TM6SF1: variants seen among roughly 807,000 people sequenced by gnomAD.
TM6SF1 encodes transmembrane 6 superfamily member 1.
A neutral mutation model predicts 47.1 loss-of-function variants in TM6SF1; 43 were observed. The ratio of observed to expected loss-of-function variants is 0.91; its 90% confidence interval spans 0.72 to 1.18. The LOEUF (loss-of-function observed/expected upper bound fraction) is 1.18, where lower values mean the gene tolerates loss of function less well. Among genes scored for constraint, TM6SF1 ranks in the 50% most tolerant of loss-of-function variants. The pLI is 0.00. For missense variants in TM6SF1, 390 were observed against 449.0 expected (o/e 0.87, Z 1.19); for synonymous variants, 177 against 166.3 (o/e 1.06, Z -0.49).
chr15:83,118,238 C>CGT (rs2034875616), intron 3 of TM6SF1, among the ~76,000 whole-genome samples: 2 of 86,074 alleles, frequency 2.3e-5, no homozygotes, highest in Admixed American at 1.1e-4. Context: ...CGTACACACA[C>CGT]ACACACACAC....
chr15:83,111,167 C>T lies in TM6SF1; in HGVS notation c.93-1630C>T, dbSNP rs149787762. Among the ~76,000 whole-genome samples the T allele has an allele frequency of 5.4e-3, 822 of 152,264 alleles. 4 individuals carry two copies. Among genetic ancestry groups the T allele is most frequent in the Non-Finnish European group, 5.5e-3 (373 of 68,012 alleles). ...GATTACAGGTGTGAGCCACTGCGCC[C>T]GGCCTCATTCTTATCATAGAATTGA... On this transcript the variant is annotated intron_variant, in intron 1 of 9. Coordinates refer to ENST00000322019, the MANE Select transcript of TM6SF1 (RefSeq NM_023003.5).
chr15:83,125,113 T>C (rs2035615161), intron 7 of TM6SF1, among the ~76,000 whole-genome samples: 1 of 152,204 alleles, frequency 6.6e-6, no homozygotes, highest in South Asian at 2.1e-4. Context: ...GATGGCACCC[T>C]AGGACTGCAA....
At chr15:83,119,832 C>T (rs937980164) in intron 4 of TM6SF1, 151 bp downstream of exon 4, 10 of 1,204,030 alleles carry the variant, frequency 8.3e-6, no homozygotes, top group Non-Finnish European at 1.1e-5. Flanking sequence ...TGGCTTTATC[C>T]TCCTTGTACC....
At chr15:83,113,039 C>A in intron 2 of TM6SF1, 139 bp downstream of exon 2, 1 of 712,924 alleles carries the variant, frequency 1.4e-6, no homozygotes, top group East Asian at 2.7e-5. Context: ...TGTTTCAGGA[C>A]AATCTGGCCC....
intron 3 of TM6SF1, among the ~76,000 whole-genome samples, chr15:83,118,230 T>TACACACAC (rs72160704): frequency 1.3e-4 from 19 of 146,350 alleles, no homozygotes; most frequent in East Asian, 2.0e-4. Context: ...TCTCTGTACG[T>TACACACAC]ACACACACAC....
intron 6 of TM6SF1, 49 bp from the exon 7 acceptor site, chr15:83,124,623 T>C: frequency 7.0e-7 from 1 of 1,426,410 alleles, no homozygotes; most frequent in South Asian, 1.2e-5. Context: ...GATTTCAGAT[T>C]CTTCTTTGGC....
In TM6SF1 at chr15:83,108,023, A is replaced by T. The variant is rs973023514; in HGVS notation, c.92+251A>T. 6.0e-5 allele frequency: 43 copies of T among 719,382 alleles called. No individual in the cohort carries two copies. The African/African-American group carries it at 7.7e-4, about 13-fold the overall frequency. 44.6% of individuals were successfully genotyped at this position (719,382 alleles called of 1,614,324 possible). On this transcript the variant is annotated intron_variant, in intron 1 of 9. Coordinates refer to ENST00000322019, the MANE Select transcript of TM6SF1 (RefSeq NM_023003.5). ...GGGATGTTGGTGCCAGCACCGCGCC[A>T]GGTGCCCGGGGTCACAGGCGTCAAT...
intron 2 of TM6SF1, chr15:83,113,161 T>TTGACCTC (rs532881743): frequency 5.6e-6 from 3 of 538,928 alleles, no homozygotes; most frequent in African/African-American, 1.9e-5. Context: ...CCAGCATGCT[T>TTGACCTC]TGACCTCTGA....
chr15:83,115,289 T>G, intron 2 of TM6SF1: 1 of 217,914 alleles, frequency 4.6e-6, no homozygotes, highest in Non-Finnish European at 9.3e-6. Flanking sequence ...AGAAAATTTT[T>G]GTATTTTTAG....
At chr15:83,122,099 G>A in intron 5 of TM6SF1, 96 bp downstream of exon 5, 1 of 978,830 alleles carries the variant, frequency 1.0e-6, no homozygotes, top group Non-Finnish European at 1.6e-6. Flanking sequence ...AGAACCAAGT[G>A]ATTCCAAGCT....
At chr15:83,119,545 T>C in intron 3 of TM6SF1, 33 bp from the exon 4 acceptor site, 1 of 1,601,264 alleles carries the variant, frequency 6.2e-7, no homozygotes, top group South Asian at 1.1e-5. Flanking sequence ...CAGGTCTTAT[T>C]TAAAGTGGAC....
intron 1 of TM6SF1, among the ~76,000 whole-genome samples, chr15:83,108,324 C>T (rs974890997): frequency 5.3e-5 from 8 of 152,042 alleles, no homozygotes; most frequent in African/African-American, 1.4e-4. Flanking sequence ...CGGTGTTTGG[C>T]ACTGACGGTG....
intron 7 of TM6SF1, among the ~76,000 whole-genome samples, chr15:83,125,709 C>T (rs1279383312): frequency 3.3e-5 from 5 of 152,144 alleles, no homozygotes; most frequent in South Asian, 2.1e-4. Flanking sequence ...AGCCTGTTGG[C>T]GCGCGTAACA....
At chr15:83,133,109 C>G (rs1346448726) in intron 9 of TM6SF1, 1 of 152,250 alleles carries the variant, frequency 6.6e-6, no homozygotes, top group African/African-American at 2.4e-5. Flanking sequence ...TTCCACACCT[C>G]ACCCGAGGCC....
intron 9 of TM6SF1, chr15:83,133,462 T>C (rs761420191): frequency 7.2e-5 from 11 of 152,232 alleles, no homozygotes; most frequent in Non-Finnish European, 1.3e-4. Context: ...TCATTTGCCA[T>C]TCCAATCATC....
At chr15:83,127,606 C>A in intron 9 of TM6SF1, 129 bp downstream of exon 9, 1 of 994,112 alleles carries the variant, frequency 1.0e-6, no homozygotes, top group Admixed American at 2.3e-5. Flanking sequence ...TTTTGTTTTG[C>A]AGTTCTTCAG....
Position 83,107,817 on chromosome 15 carries a change from A to C in TM6SF1, c.92+45A>C. 1 of 1,543,784 alleles carries C rather than the reference A, an allele frequency of 6.5e-7. No homozygotes were observed. The highest frequency in any genetic ancestry group is 8.7e-7 in the Non-Finnish European group (1 of 1,146,310). On this transcript the variant is annotated intron_variant, in intron 1 of 9. Coordinates refer to ENST00000322019, the MANE Select transcript of TM6SF1 (RefSeq NM_023003.5). This position sits in a 1 kb window ranked among gnomAD's most constrained non-coding sequence, Gnocchi z 5.6. The stretch of plus-strand genomic sequence containing the variant: ...GGGGGTCGCGCCGAGGGGCGGCGGG[A>C]GTTGGCTCGCCGCGACGGGAGCCTC...
chr15:83,131,886 T>G (rs1355052786), intron 9 of TM6SF1: 2 of 152,250 alleles, frequency 1.3e-5, no homozygotes, highest in Non-Finnish European at 2.9e-5. Flanking sequence ...CATTATAGGC[T>G]GCTTAGATCC....
rs757937762 is a variant in TM6SF1, at chr15:83,136,665, TGG to T, written c.1107_1108del (p.Glu370IlefsTer11). The T allele has an allele frequency of 5.0e-6, 8 of 1,592,720 alleles. No homozygotes were observed. Among genetic ancestry groups the T allele is most frequent in the Non-Finnish European group, 6.0e-6 (7 of 1,174,482 alleles). ...ATAAAAACAAAGGCAGAAGAAAAAG[TGG>T]AATAAAAATATTACTTCATGTTCCT... is the stretch of plus-strand genomic sequence containing the variant. On this transcript the variant is annotated frameshift_variant, in exon 10 of 10. Transcript: ENST00000322019. LOFTEE classifies it high-confidence loss of function.
Sources: gnomAD v4.1 joint callset for allele counts (sites outside exome capture counted in the v4.1 genomes callset) on GRCh38, gnomAD v4.1.1 for gene constraint, Gnocchi (gnomAD v3.1) non-coding constraint, MANE v1.5 for transcripts, NCBI Gene and HGNC (gene_info 2026-07-23, HGNC 2026-07-21) for gene names.